Variants in BCL11B observed in about 807,000 individuals in gnomAD.
BCL11B encodes the protein BCL11 transcription factor B, also known as B-cell lymphoma/leukemia 11B.
A neutral mutation model predicts 49.9 loss-of-function variants in BCL11B; 8 were observed. That is an observed-to-expected ratio of 0.16 (90% confidence interval 0.09 to 0.29). The LOEUF is 0.29. BCL11B is among the 10% of genes least tolerant of loss of function. BCL11B has a pLI of 1.00. For synonymous variants in BCL11B, 739 were observed against 637.4 expected, an observed-to-expected ratio of 1.16 and a Z score of -2.40; for missense variants, 1,006 against 1,351.0, an observed-to-expected ratio of 0.74 and a Z score of 4.00.
At chr14:99,191,623 G>A (rs573283831) in intron 3 of BCL11B, among the ~76,000 whole-genome samples, 1 of 152,146 alleles carries the variant, frequency 6.6e-6, no homozygotes, top group South Asian at 2.1e-4. Flanking sequence ...GGGCTCCTAG[G>A]GAGCTCCGAG....
Position 99,231,998 on chromosome 14 carries a change from T to C in BCL11B, c.428-441A>G, listed in dbSNP as rs1313014312. ...GAAGCTCACAGCCTCCCCTGTTTGC[T>C]GTATCAGGATGGGCTGTTCCTACAG... On this transcript the variant is annotated intron_variant, in intron 2 of 3. Coordinates refer to ENST00000357195, the MANE Select transcript of BCL11B (RefSeq NM_138576.4). This position sits in a 1 kb window ranked among gnomAD's most constrained non-coding sequence, Gnocchi z 8.1. Among the ~76,000 whole-genome samples the C allele has an allele frequency of 6.6e-6, 1 of 152,144 alleles. No homozygotes were observed. Among genetic ancestry groups the C allele is most frequent in the African/African-American group, 2.4e-5 (1 of 41,444 alleles).
chr14:99,243,324 A>C (rs904189952), intron 2 of BCL11B, among the ~76,000 whole-genome samples: 1 of 152,114 alleles, frequency 6.6e-6, no homozygotes, highest in African/African-American at 2.4e-5. Flanking sequence ...CAAAGCCCCT[A>C]ATTCTTCTTC....
intron 3 of BCL11B, among the ~76,000 whole-genome samples, chr14:99,179,089 C>G (rs1260263844): frequency 6.6e-6 from 1 of 152,216 alleles, no homozygotes; most frequent in Non-Finnish European, 1.5e-5. Context: ...GGCCAAGTCA[C>G]AGGTTTTTCA....
Position 99,175,762 on chromosome 14 carries a change from C to A in BCL11B, c.1074G>T (p.Ser358=). The A allele has an allele frequency of 2.7e-6, 4 of 1,459,230 alleles. No homozygotes were observed. Among genetic ancestry groups the A allele is most frequent in the Non-Finnish European group, 2.7e-6 (3 of 1,120,080 alleles). The allele number at this position is 1,459,230 out of a possible 1,614,324, so 90.4% of individuals were successfully genotyped here. A position where few individuals can be genotyped will look rare whatever the true frequency, so the allele number is the denominator to read the frequency against. The part of the protein sequence containing the change: ...VMRLNPMAID[S]PAMDFSRRLR... ...GCCGCCGCGAGAAGTCCATGGCGGG[C>A]GAGTCGATGGCCATGGGGTTCAGGC... is the stretch of plus-strand genomic sequence containing the variant. The change falls in exon 4 of 4, where the codon TCG becomes TCT. Residue 358 remains serine (S), a synonymous_variant. Transcript: ENST00000357195.
rs1887070734 is a variant in BCL11B, at chr14:99,192,791, C to T, written c.641-16596G>A. ...CCTGTATTGAGGATGTGGAAAGATT[C>T]CAGAGCGTGCATGGAAGAGTCCTGC... On this transcript the variant is annotated intron_variant, in intron 3 of 3. Coordinates refer to ENST00000357195, the MANE Select transcript of BCL11B (RefSeq NM_138576.4). This position sits in a 1 kb window ranked among gnomAD's most constrained non-coding sequence, Gnocchi z 4.0. 6.6e-6 allele frequency among the ~76,000 whole-genome samples: 1 copy of T among 152,140 alleles called. No individual in the cohort carries two copies. Among genetic ancestry groups the T allele is most frequent in the Admixed American group, 6.5e-5 (1 of 15,272 alleles).
At chr14:99,201,797 G>C (rs1199917727) in intron 3 of BCL11B, among the ~76,000 whole-genome samples, 1 of 152,164 alleles carries the variant, frequency 6.6e-6, no homozygotes, top group Non-Finnish European at 1.5e-5. Flanking sequence ...CTCCCTTGCA[G>C]AGCTCCTGGC....
intron 3 of BCL11B, among the ~76,000 whole-genome samples, chr14:99,207,893 G>A (rs1246927311): frequency 2.6e-5 from 4 of 152,138 alleles, no homozygotes; most frequent in African/African-American, 4.8e-5. Flanking sequence ...AGATCCACCT[G>A]GAACTGAGCT....
At chr14:99,197,464 A>G (rs574050136) in intron 3 of BCL11B, among the ~76,000 whole-genome samples, 5 of 152,328 alleles carry the variant, frequency 3.3e-5, no homozygotes, top group African/African-American at 9.6e-5. Flanking sequence ...AAAGAAAATG[A>G]GTGAAGTTGG....
chr14:99,260,097 A>G (rs1192262280), intron 1 of BCL11B, among the ~76,000 whole-genome samples: 2 of 152,252 alleles, frequency 1.3e-5, no homozygotes, highest in Non-Finnish European at 2.9e-5. Flanking sequence ...AAGGTGCTCT[A>G]ATAAATGGGA....
intron 3 of BCL11B, among the ~76,000 whole-genome samples, chr14:99,198,679 A>G (rs551196242): frequency 6.6e-6 from 1 of 152,064 alleles, no homozygotes; most frequent in Admixed American, 6.5e-5. Flanking sequence ...CAGCCTTCCA[A>G]ACAGAGTGCA....
At chr14:99,258,287 A>C (rs1390641548) in intron 1 of BCL11B, among the ~76,000 whole-genome samples, 1 of 152,174 alleles carries the variant, frequency 6.6e-6, no homozygotes, top group Non-Finnish European at 1.5e-5. Context: ...GACCAGTTAC[A>C]CTGGGAACAA....
intron 3 of BCL11B, among the ~76,000 whole-genome samples, chr14:99,202,723 T>C (rs1321584966): frequency 4.6e-5 from 7 of 151,970 alleles, no homozygotes; most frequent in Admixed American, 2.6e-4. Context: ...CAGTCCAACC[T>C]CCCCAGCCTC....
chr14:99,205,684 TAAAC>T lies in BCL11B; in HGVS notation c.640+25657_640+25660del, dbSNP rs560406984. Among the ~76,000 whole-genome samples the T allele has an allele frequency of 6.6e-4, 101 of 152,000 alleles. No individual in the cohort carries two copies. The highest frequency in any genetic ancestry group is 2.1e-3 in the African/African-American group (86 of 41,448). On this transcript the variant is annotated intron_variant, in intron 3 of 3. Transcript: ENST00000357195. The surrounding 1 kb of genome is among the most constrained non-coding windows in gnomAD (Gnocchi z 5.0). ...TGGAATGAGGTCAGGAATATGTAAA[TAAAC>T]AAACAGAGTACGTGGTAAGGAGCAG...
In BCL11B at chr14:99,175,702, C is replaced by T. The variant is rs2078147314; in HGVS notation, c.1134G>A (p.Pro378=). The T allele has an allele frequency of 6.6e-7, 1 of 1,505,480 alleles. No homozygotes were observed. The highest frequency in any genetic ancestry group is 8.8e-7 in the Non-Finnish European group (1 of 1,142,430). 93.3% of individuals were successfully genotyped at this position (1,505,480 alleles called of 1,614,324 possible). A position where few individuals can be genotyped will look rare whatever the true frequency, so the allele number is the denominator to read the frequency against. Reference sequence around the variant, plus strand: ...GGTTGCCGCGGCCCGGGGACACGGGCGGCGGCGTGGAGCTGTTGCCCGCCA... The same window carrying T: ...GGTTGCCGCGGCCCGGGGACACGGGTGGCGGCGTGGAGCTGTTGCCCGCCA... The part of the protein sequence containing the change: ...RELAGNSSTP[P]PVSPGRGNPM... The change falls in exon 4 of 4, where the codon CCG becomes CCA. Residue 378 remains proline (P), a synonymous_variant. Transcript: ENST00000357195.
intron 3 of BCL11B, among the ~76,000 whole-genome samples, chr14:99,204,735 C>T (rs1475298343): frequency 2.0e-5 from 3 of 152,224 alleles, no homozygotes; most frequent in Non-Finnish European, 4.4e-5. Flanking sequence ...CCAGACAGAG[C>T]GAGAGCTCGA....
In BCL11B at chr14:99,257,277, C is replaced by T. The variant is rs555777128; in HGVS notation, c.427+194G>A. On this transcript the variant is annotated intron_variant, in intron 2 of 3. Transcript: ENST00000357195. The surrounding 1 kb of genome is among the most constrained non-coding windows in gnomAD (Gnocchi z 6.2). ...AAGCAGCCATCAGCCATTTGGGCCT[C>T]CCCGAGCCCCAGGCCTGTCTCCTCC... Among the ~76,000 whole-genome samples, 144 of 152,146 alleles carry T rather than the reference C, an allele frequency of 9.5e-4. 1 individual carries two copies. The highest frequency in any genetic ancestry group is 1.7e-3 in the Non-Finnish European group (117 of 68,004).
At position 99,176,104 on chromosome 14, in the gene BCL11B, G is replaced by A. The variant is rs1312815848; in HGVS notation, c.732C>T (p.His244=). Residue 244 remains histidine, a synonymous_variant, in exon 4 of 4, where the codon CAC becomes CAT. Coordinates refer to ENST00000357195, the MANE Select transcript of BCL11B (RefSeq NM_138576.4). ...WFLLQHAQNT[H]GFRIYLEPGP... The stretch of plus-strand genomic sequence containing the variant: ...CGGGCTCCAGGTAGATGCGGAAGCC[G>A]TGCGTGTTCTGCGCGTGCTGCAGCA... 3 of 1,610,128 alleles carry A rather than the reference G, an allele frequency of 1.9e-6. No individual in the cohort carries two copies. Among genetic ancestry groups the A allele is most frequent in the Middle Eastern group, 1.7e-4 (1 of 6,046 alleles).
chr14:99,220,183 G>T (rs1407512490), intron 3 of BCL11B, among the ~76,000 whole-genome samples: 2 of 152,168 alleles, frequency 1.3e-5, no homozygotes, highest in Non-Finnish European at 2.9e-5. Context: ...AAAACGGTTT[G>T]GCAATTCCTC....
chr14:99,231,992 G>C lies in BCL11B; in HGVS notation c.428-435C>G, dbSNP rs772634424. Among the ~76,000 whole-genome samples, 19 of 152,096 alleles carry C rather than the reference G, an allele frequency of 1.2e-4. No homozygotes were observed. The highest frequency in any genetic ancestry group is 2.2e-4 in the Non-Finnish European group (15 of 67,982). ...AGCTGGGAAGCTCACAGCCTCCCCT[G>C]TTTGCTGTATCAGGATGGGCTGTTC... On this transcript the variant is annotated intron_variant, in intron 2 of 3. Transcript: ENST00000357195. The surrounding 1 kb of genome is among the most constrained non-coding windows in gnomAD (Gnocchi z 8.1).
Sources: allele counts gnomAD v4.1 joint callset (sites outside exome capture counted in the v4.1 genomes callset), GRCh38; gene constraint gnomAD v4.1.1; non-coding constraint Gnocchi (gnomAD v3.1); transcripts MANE v1.5; gene names NCBI Gene and HGNC (gene_info 2026-07-23, HGNC 2026-07-21).